EYA1: variants seen among roughly 807,000 people sequenced by gnomAD.
The protein encoded by EYA1 is protein phosphatase EYA1.
A neutral mutation model predicts 82.0 loss-of-function variants in EYA1; 16 were observed. The observed-to-expected ratio is 0.20, with a 90% CI of 0.13 to 0.30. EYA1 has a LOEUF of 0.30. EYA1 is among the 10% of genes least tolerant of loss of function. The probability of loss-of-function intolerance (pLI) is 1.00; values close to 1 mark genes in which losing one functional copy is unlikely to be tolerated. For synonymous variants in EYA1, 261 were observed against 264.4 expected (o/e 0.99, Z 0.12); for missense variants, 633 against 730.7 (o/e 0.87, Z 1.54).
chr8:71,542,741 TTAA>T (rs1397365053), intron 1 of EYA1, among the ~76,000 whole-genome samples: 1 of 152,252 alleles, frequency 6.6e-6, no homozygotes, highest in African/African-American at 2.4e-5. Flanking sequence ...TTCTGACTTT[TTAA>T]TAATAACCAT....
At chr8:71,288,458 C>T (rs1818635349) in intron 9 of EYA1, among the ~76,000 whole-genome samples, 1 of 152,142 alleles carries the variant, frequency 6.6e-6, no homozygotes, top group Non-Finnish European at 1.5e-5. Flanking sequence ...GCAGGCTGTG[C>T]TGCTTAGGAA....
chr8:71,368,541 A>G (rs777431120), intron 2 of EYA1, among the ~76,000 whole-genome samples: 5 of 152,250 alleles, frequency 3.3e-5, no homozygotes, highest in Non-Finnish European at 5.9e-5. Flanking sequence ...TGATCCAAAA[A>G]CCTGCCTAAG....
intron 3 of EYA1, among the ~76,000 whole-genome samples, chr8:71,346,275 T>C (rs1431939999): frequency 6.6e-6 from 1 of 151,912 alleles, no homozygotes; most frequent in Non-Finnish European, 1.5e-5. Flanking sequence ...TGAACTTCTC[T>C]TTGGCCAGAA....
intron 11 of EYA1, among the ~76,000 whole-genome samples, chr8:71,245,038 G>A (rs571330842): frequency 6.6e-6 from 1 of 152,124 alleles, no homozygotes; most frequent in Non-Finnish European, 1.5e-5. Flanking sequence ...AGTGAATCAA[G>A]TAGCCACTGG....
intron 2 of EYA1, among the ~76,000 whole-genome samples, chr8:71,502,203 G>C (rs1294413663): frequency 1.3e-5 from 2 of 152,148 alleles, no homozygotes; most frequent in Non-Finnish European, 2.9e-5. Context: ...ATTTGACTAG[G>C]TGATACAAAA....
chr8:71,216,406 T>TGCTAATTCTTCGAAGGAG (rs1229653630), intron 14 of EYA1, among the ~76,000 whole-genome samples: 2 of 152,154 alleles, frequency 1.3e-5, no homozygotes, highest in Admixed American at 6.5e-5. Flanking sequence ...CTTCGAAGGA[T>TGCTAATTCTTCGAAGGAG]GCTAATCCTT....
At chr8:71,267,236 T>A (rs576011049) in intron 11 of EYA1, among the ~76,000 whole-genome samples, 1 of 152,268 alleles carries the variant, frequency 6.6e-6, no homozygotes, top group African/African-American at 2.4e-5. Context: ...CCTGACCACA[T>A]CTCATTGACT....
At chr8:71,346,819 C>A (rs1035478396) in intron 3 of EYA1, among the ~76,000 whole-genome samples, 2 of 152,096 alleles carry the variant, frequency 1.3e-5, no homozygotes, top group African/African-American at 4.8e-5. Flanking sequence ...GCTCTAGATA[C>A]TTATTGAATC....
At chr8:71,319,918 T>C (rs567005759) in intron 6 of EYA1, among the ~76,000 whole-genome samples, 9 of 151,584 alleles carry the variant, frequency 5.9e-5, no homozygotes, top group Non-Finnish European at 1.0e-4. Flanking sequence ...AAGATGGGGG[T>C]TATTAGGAAA....
chr8:71,346,807 A>G (rs1825789757), intron 3 of EYA1, among the ~76,000 whole-genome samples: 1 of 152,194 alleles, frequency 6.6e-6, no homozygotes, highest in Non-Finnish European at 1.5e-5. Flanking sequence ...TTTGAAAAAC[A>G]GGCTCTAGAT....
At chr8:71,262,717 C>CTACT (rs1427829208) in intron 11 of EYA1, among the ~76,000 whole-genome samples, 2 of 152,132 alleles carry the variant, frequency 1.3e-5, no homozygotes, top group African/African-American at 4.8e-5. Flanking sequence ...CCGCTGTATA[C>CTACT]TACTGGTAGT....
At chr8:71,397,396 C>A (rs555201460) in intron 2 of EYA1, among the ~76,000 whole-genome samples, 23 of 152,314 alleles carry the variant, frequency 1.5e-4, no homozygotes, top group Admixed American at 2.0e-4. Flanking sequence ...ATGGTCTTTA[C>A]AATTTGGCAT....
intron 12 of EYA1, among the ~76,000 whole-genome samples, chr8:71,231,286 TG>T (rs1224195099): frequency 6.6e-6 from 1 of 152,256 alleles, no homozygotes; most frequent in African/African-American, 2.4e-5. Flanking sequence ...AGTTCTTTAC[TG>T]GTTACCCTCG....
chr8:71,400,305 T>C (rs1046051573), intron 2 of EYA1, among the ~76,000 whole-genome samples: 2 of 152,172 alleles, frequency 1.3e-5, no homozygotes, highest in Non-Finnish European at 1.5e-5. Context: ...TGAAATCTAA[T>C]TGAACTAAAG....
intron 2 of EYA1, among the ~76,000 whole-genome samples, chr8:71,379,085 G>A (rs1398399102): frequency 6.6e-6 from 1 of 152,106 alleles, no homozygotes; most frequent in African/African-American, 2.4e-5. Flanking sequence ...TAGGTCTTCA[G>A]TGGGTACATG....
chr8:71,407,166 G>A (rs1473168633), intron 2 of EYA1, among the ~76,000 whole-genome samples: 40 of 140,394 alleles, frequency 2.8e-4, no homozygotes, highest in African/African-American at 1.0e-3. Context: ...TGAGGGTCCT[G>A]TCTGTTAGAA....
intron 12 of EYA1, among the ~76,000 whole-genome samples, chr8:71,222,260 G>A (rs1015893445): frequency 4.6e-5 from 7 of 152,132 alleles, no homozygotes; most frequent in African/African-American, 1.2e-4. Context: ...ATTTGGTGCC[G>A]TGTGACTCAG....
At chr8:71,501,199 A>C (rs1256491389) in intron 2 of EYA1, among the ~76,000 whole-genome samples, 1 of 152,260 alleles carries the variant, frequency 6.6e-6, no homozygotes, top group Non-Finnish European at 1.5e-5. Context: ...GGATAGAAGA[A>C]AGAGACTAGT....
chr8:71,290,778 T>C (rs1818909400), intron 9 of EYA1, among the ~76,000 whole-genome samples: 1 of 151,728 alleles, frequency 6.6e-6, no homozygotes. Flanking sequence ...ATAATCTTAT[T>C]ATACCACTAT....
Sources: allele counts gnomAD v4.1 joint callset (sites outside exome capture counted in the v4.1 genomes callset), GRCh38; gene constraint gnomAD v4.1.1; transcripts MANE v1.5; gene names NCBI Gene and HGNC (gene_info 2026-07-23, HGNC 2026-07-21).